The following NELL1 variants were observed in gnomAD, a reference collection of about 807,000 sequenced individuals.
NELL1 encodes protein kinase C-binding protein NELL1.
Under a neutral mutation model 107.4 loss-of-function variants are expected in NELL1, and 76 were observed. The ratio of observed to expected loss-of-function variants is 0.71; its 90% CI spans 0.59 to 0.86. The LOEUF (loss-of-function observed/expected upper bound fraction) is 0.86, where lower values mean the gene tolerates loss of function less well. Among genes scored for constraint, NELL1 ranks in the 40% least tolerant of loss-of-function variants. NELL1 has a pLI of 0.00. For synonymous variants in NELL1, 353 were observed against 341.2 expected (o/e 1.03, Z -0.38); for missense variants, 1,024 against 1,005.5 (o/e 1.02, Z -0.25).
intron 13 of NELL1, among the ~76,000 whole-genome samples, chr11:21,130,379 A>G (rs940971046): frequency 6.6e-6 from 1 of 152,118 alleles, no homozygotes; most frequent in Non-Finnish European, 1.5e-5. Flanking sequence ...ATTTTTTTCT[A>G]TAAATGGAAA....
intron 12 of NELL1, among the ~76,000 whole-genome samples, chr11:21,064,912 T>C (rs1853831709): frequency 6.6e-6 from 1 of 152,206 alleles, no homozygotes; most frequent in Non-Finnish European, 1.5e-5. Flanking sequence ...TCAGCAATCA[T>C]TATGCATACT....
intron 12 of NELL1, among the ~76,000 whole-genome samples, chr11:21,096,013 A>G (rs191833907): frequency 2.3e-3 from 347 of 152,286 alleles, no homozygotes; most frequent in African/African-American, 7.9e-3. Context: ...TGTCATGAGA[A>G]CAGCAAGGGA....
intron 13 of NELL1, among the ~76,000 whole-genome samples, chr11:21,133,978 A>G (rs116339947): frequency 0.014 from 2,096 of 152,336 alleles, 52 homozygotes; most frequent in African/African-American, 0.048. Flanking sequence ...CCTCCACTGC[A>G]GCTGATGTCT....
chr11:21,305,340 G>C (rs574017802), intron 14 of NELL1, among the ~76,000 whole-genome samples: 2 of 152,068 alleles, frequency 1.3e-5, no homozygotes, highest in South Asian at 4.1e-4. Context: ...ATTTAATTTA[G>C]CAGTAAAAGT....
intron 2 of NELL1, among the ~76,000 whole-genome samples, chr11:20,742,712 C>A (rs993517570): frequency 2.0e-5 from 3 of 152,116 alleles, no homozygotes; most frequent in African/African-American, 4.8e-5. Context: ...AAGACCCACC[C>A]CCGTGATTCA....
chr11:20,990,230 G>T (rs970242371), intron 12 of NELL1, among the ~76,000 whole-genome samples: 1 of 152,022 alleles, frequency 6.6e-6, no homozygotes, highest in East Asian at 1.9e-4. Context: ...CCCTTTGCAC[G>T]TGTCCCTAAC....
intron 14 of NELL1, among the ~76,000 whole-genome samples, chr11:21,321,059 GT>G (rs779002344): frequency 1.2e-4 from 18 of 152,260 alleles, no homozygotes; most frequent in Non-Finnish European, 1.9e-4. Flanking sequence ...ATTTCCACAG[GT>G]TCTAGGATTT....
chr11:20,992,563 T>C (rs1851998947), intron 12 of NELL1, among the ~76,000 whole-genome samples: 1 of 152,074 alleles, frequency 6.6e-6, no homozygotes, highest in South Asian at 2.1e-4. Context: ...CTTGGGAGAG[T>C]CTTTTCCCTT....
intron 15 of NELL1, among the ~76,000 whole-genome samples, chr11:21,424,822 C>T (rs1852779445): frequency 6.6e-6 from 1 of 152,070 alleles, no homozygotes; most frequent in Admixed American, 6.6e-5. Context: ...CAAAGTAAAG[C>T]ACTGGACCTG....
At chr11:21,081,372 G>A (rs1854264878) in intron 12 of NELL1, among the ~76,000 whole-genome samples, 1 of 151,940 alleles carries the variant, frequency 6.6e-6, no homozygotes, top group Non-Finnish European at 1.5e-5. Context: ...TTCCAACCTG[G>A]TTTCTCTTTT....
At chr11:21,126,252 C>T (rs1283966286) in intron 13 of NELL1, among the ~76,000 whole-genome samples, 2 of 152,014 alleles carry the variant, frequency 1.3e-5, no homozygotes, top group Non-Finnish European at 2.9e-5. Flanking sequence ...CTTTAAAATG[C>T]GAATGCAGAC....
chr11:21,321,228 G>T (rs973159934), intron 14 of NELL1, among the ~76,000 whole-genome samples: 8 of 152,134 alleles, frequency 5.3e-5, no homozygotes, highest in African/African-American at 1.9e-4. Flanking sequence ...GTGCTGACAG[G>T]TGCTCATTGT....
At chr11:21,107,570 G>T (rs547365718) in intron 12 of NELL1, among the ~76,000 whole-genome samples, 1 of 152,256 alleles carries the variant, frequency 6.6e-6, no homozygotes, top group South Asian at 2.1e-4. Flanking sequence ...TGTCAACGCA[G>T]TTGACACAGC....
intron 13 of NELL1, among the ~76,000 whole-genome samples, chr11:21,121,899 G>T (rs1365786925): frequency 6.6e-6 from 1 of 152,108 alleles, no homozygotes; most frequent in Non-Finnish European, 1.5e-5. Context: ...AAAAGCCAAA[G>T]ACCACATATT....
At chr11:20,694,610 T>G (rs1209589053) in intron 2 of NELL1, among the ~76,000 whole-genome samples, 3 of 152,140 alleles carry the variant, frequency 2.0e-5, no homozygotes, top group African/African-American at 7.2e-5. Flanking sequence ...CTCTATTCTG[T>G]TCTATTGGTC....
chr11:21,029,427 T>G (rs1852898445), intron 12 of NELL1, among the ~76,000 whole-genome samples: 1 of 152,122 alleles, frequency 6.6e-6, no homozygotes, highest in Non-Finnish European at 1.5e-5. Flanking sequence ...TGCTGAGTCT[T>G]CCAACTCATA....
intron 5 of NELL1, among the ~76,000 whole-genome samples, chr11:20,906,438 A>G (rs1403101394): frequency 6.6e-6 from 1 of 152,134 alleles, no homozygotes; most frequent in Non-Finnish European, 1.5e-5. Context: ...ATGAACATCA[A>G]TCCTTCTTAA....
At position 21,521,322 on chromosome 11, in the gene NELL1, TATCTGTTTAA is replaced by T. The variant is rs377195102; in HGVS notation, c.1646-13051_1646-13042del. 3.2e-3 allele frequency among the ~76,000 whole-genome samples: 487 copies of T among 152,340 alleles called. 1 individual carries two copies. The highest frequency in any genetic ancestry group is 0.011 in the African/African-American group (438 of 41,582). ...TTCTAAATATCGTATTTTGATTTGA[TATCTGTTTAA>T]TTCTGTTGGGACCAGAAAACACACT... On this transcript the variant is annotated intron_variant, in intron 15 of 19. Transcript: ENST00000357134.
At chr11:20,802,323 G>A (rs1564914980) in intron 3 of NELL1, among the ~76,000 whole-genome samples, 1 of 151,098 alleles carries the variant, frequency 6.6e-6, no homozygotes, top group African/African-American at 2.4e-5. Flanking sequence ...TAATTCCTAA[G>A]TATTTTCTTT....
Sources: allele counts gnomAD v4.1 joint callset (sites outside exome capture counted in the v4.1 genomes callset), GRCh38; gene constraint gnomAD v4.1.1; transcripts MANE v1.5; gene names NCBI Gene and HGNC (gene_info 2026-07-23, HGNC 2026-07-21).